NOL8: variants seen among roughly 807,000 people sequenced by gnomAD.
NOL8 encodes nucleolar protein 8.
Under a neutral mutation model 116.1 loss-of-function variants are expected in NOL8, and 93 were observed. The ratio of observed to expected loss-of-function variants is 0.80; its 90% CI spans 0.68 to 0.95. NOL8 has a LOEUF of 0.95. Ranked by LOEUF, NOL8 falls within the 40% of genes least tolerant of loss-of-function variation. The pLI is 0.00. For synonymous variants in NOL8, 419 were observed against 469.0 expected (o/e 0.89, Z 1.38); for missense variants, 1,291 against 1,382.8 (o/e 0.93, Z 1.05).
Position 92,315,750 on chromosome 9 carries a change from T to C in NOL8, c.875A>G (p.Lys292Arg). The change falls in exon 7 of 17, where the codon AAG becomes AGG. Residue 292 changes from lysine to arginine, a missense_variant. By Grantham distance (26) the Lys-to-Arg change is conservative (BLOSUM62 2). Transcript: ENST00000442668. The part of the protein sequence containing the change: ...PFKTSGLETA[K>R]KRNSISDDDT... ...ATCATCAGAAATGCTGTTTCTCTTC[T>C]TGGCAGTTTCCAAGCCAGAAGTCTT... 2 of 1,613,534 alleles carry C rather than the reference T, an allele frequency of 1.2e-6. No individual in the cohort carries two copies. The highest frequency in any genetic ancestry group is 1.7e-6 in the Non-Finnish European group (2 of 1,179,630).
At chr9:92,305,441 G>A (rs1198821491) in intron 12 of NOL8, among the ~76,000 whole-genome samples, 1 of 152,140 alleles carries the variant, frequency 6.6e-6, no homozygotes, top group Non-Finnish European at 1.5e-5. Context: ...TAATTTTTGT[G>A]ATTTTAAGTA....
intron 14 of NOL8, among the ~76,000 whole-genome samples, chr9:92,299,683 C>T (rs1423830520): frequency 2.6e-5 from 4 of 151,014 alleles, no homozygotes; most frequent in Non-Finnish European, 5.9e-5. Flanking sequence ...ATCTGGGAGG[C>T]GGAGGTTGCA....
chr9:92,316,181 G>C (rs1196850729), intron 6 of NOL8, 43 bp from the exon 7 acceptor site: 2 of 1,555,618 alleles, frequency 1.3e-6, no homozygotes, highest in African/African-American at 1.4e-5. Flanking sequence ...TTGGTTTTAG[G>C]AAAACTCATC....
chr9:92,323,950 G>T, intron 2 of NOL8, 73 bp downstream of exon 2: 1 of 1,496,498 alleles, frequency 6.7e-7, no homozygotes, highest in South Asian at 1.2e-5. Flanking sequence ...TTTATCTTGG[G>T]GTTGTTTTAT....
At chr9:92,302,567 G>GT (rs1362506789) in intron 12 of NOL8, among the ~76,000 whole-genome samples, 1 of 152,160 alleles carries the variant, frequency 6.6e-6, no homozygotes, top group African/African-American at 2.4e-5. Flanking sequence ...ACCTCGTTAG[G>GT]TTTTAAGACA....
intron 9 of NOL8, 66 bp from the exon 10 acceptor site, chr9:92,310,327 T>C (rs1838659321): frequency 7.1e-7 from 1 of 1,402,822 alleles, no homozygotes. Flanking sequence ...TGACGAAGAC[T>C]GTCAATGTAC....
At position 92,315,430 on chromosome 9, in the gene NOL8, C is replaced by G; in HGVS notation, c.1195G>C (p.Glu399Gln). The G allele has an allele frequency of 3.1e-6, 5 of 1,590,556 alleles. No individual in the cohort carries two copies. The highest frequency in any genetic ancestry group is 4.3e-6 in the Non-Finnish European group (5 of 1,166,994). ...KNVAKVKNSTEFSQMEKSTKK... is the reference protein window; with the variant it reads ...KNVAKVKNSTQFSQMEKSTKK... ...GTAGATTTTTCCATTTGTGAAAATT[C>G]TGTACTGTTTTTGACCTTAGCAACA... The change falls in exon 7 of 17, where the codon GAA (glutamate) becomes CAA (glutamine). Residue 399 changes from glutamate (E) to glutamine (Q), a missense_variant. Coordinates refer to ENST00000442668, the MANE Select transcript of NOL8 (RefSeq NM_017948.6).
At chr9:92,308,289 G>C (rs1340095211) in intron 10 of NOL8, among the ~76,000 whole-genome samples, 1 of 152,186 alleles carries the variant, frequency 6.6e-6, no homozygotes, top group Non-Finnish European at 1.5e-5. Flanking sequence ...TAGAGAGACT[G>C]AGTTTGAGGT....
intron 16 of NOL8, 134 bp from the exon 17 acceptor site, chr9:92,298,020 AG>A: frequency 1.3e-6 from 1 of 798,808 alleles, no homozygotes; most frequent in Non-Finnish European, 2.0e-6. Context: ...TGAAATGAAG[AG>A]GGGATATTGG....
intron 13 of NOL8, chr9:92,300,851 C>T: frequency 1.9e-6 from 2 of 1,062,316 alleles, no homozygotes; most frequent in Non-Finnish European, 2.3e-6. Context: ...CTACCAAACA[C>T]ATGTATGCTA....
intron 14 of NOL8, among the ~76,000 whole-genome samples, chr9:92,299,665 T>C (rs1304216983): frequency 1.3e-5 from 2 of 151,990 alleles, no homozygotes; most frequent in African/African-American, 4.8e-5. Flanking sequence ...GACAGGAGAA[T>C]TGCTTGAATC....
At chr9:92,298,979 G>A (rs1248213909) in intron 14 of NOL8, 25 bp from the exon 15 acceptor site, 2 of 1,333,202 alleles carry the variant, frequency 1.5e-6, no homozygotes, top group Admixed American at 2.5e-5. Flanking sequence ...ACAAAGGAGA[G>A]AGAAAAATAG....
chr9:92,298,030 G>C lies in NOL8; in HGVS notation c.3454-144C>G, dbSNP rs140841171. 2,194 of 734,674 alleles carry C rather than the reference G, an allele frequency of 3.0e-3. 5 individuals carry two copies. The highest frequency in any genetic ancestry group is 4.0e-3 in the Non-Finnish European group (1,828 of 454,018). The allele number at this position is 734,674 out of a possible 1,614,324, so 45.5% of individuals were successfully genotyped here. On this transcript the variant is annotated intron_variant, in intron 16 of 16. Transcript: ENST00000442668. ...TCTTTTGAAATGAAGAGGGGATATT[G>C]GCATTTTTGGCATTAACTGTTTATA...
rs1839331176 is a variant in NOL8, at chr9:92,315,694, T to C, written c.931A>G (p.Met311Val). The C allele has an allele frequency of 6.2e-7, 1 of 1,612,442 alleles. No homozygotes were observed. The highest frequency in any genetic ancestry group is 8.5e-7 in the Non-Finnish European group (1 of 1,179,108). ...DTDSEDELRM[M>V]IAKEENLQRT... ...TGTAAGTTTTCCTCTTTCGCAATCATCATTCTCAATTCATCTTCAGAATCA... is the reference window on the plus strand; with the variant it reads ...TGTAAGTTTTCCTCTTTCGCAATCACCATTCTCAATTCATCTTCAGAATCA... Residue 311 changes from methionine (M) to valine (V), a missense_variant, in exon 7 of 17, where the codon ATG (methionine) becomes GTG (valine). Transcript: ENST00000442668.
At chr9:92,308,028 T>C (rs1439196463) in intron 10 of NOL8, among the ~76,000 whole-genome samples, 1 of 152,216 alleles carries the variant, frequency 6.6e-6, no homozygotes, top group Non-Finnish European at 1.5e-5. Context: ...ATTATAATGC[T>C]GAAAAAGGCT....
intron 16 of NOL8, 57 bp from the exon 17 acceptor site, chr9:92,297,943 T>C: frequency 2.2e-6 from 3 of 1,392,910 alleles, no homozygotes; most frequent in Non-Finnish European, 2.9e-6. Context: ...AGATGTTCAG[T>C]AGATAGAAGT....
In NOL8 at chr9:92,307,080, C is replaced by T. The variant is rs1028867968; in HGVS notation, c.2687-56G>A. The T allele has an allele frequency of 2.6e-6, 4 of 1,536,166 alleles. No homozygotes were observed. In the African/African-American group the frequency reaches 4.2e-5, roughly 16 times the overall value. ...TTGGAAAACACAGCCTGAGAAGTCT[C>T]AATCATCAAATATTTACCAAGTACC... On this transcript the variant is annotated intron_variant, in intron 10 of 16. Transcript: ENST00000442668.
chr9:92,323,729 G>C (rs1262629017), intron 2 of NOL8, among the ~76,000 whole-genome samples: 1 of 151,664 alleles, frequency 6.6e-6, no homozygotes, highest in Non-Finnish European at 1.5e-5. Flanking sequence ...GAAACATTTT[G>C]ATTGTATGCT....
chr9:92,298,708 G>T (rs1369446118), intron 15 of NOL8, 176 bp downstream of exon 15: 2 of 483,534 alleles, frequency 4.1e-6, no homozygotes, highest in African/African-American at 4.0e-5. Context: ...GGCAAAGAAA[G>T]TGGTGAGTGG....
Sources: allele counts gnomAD v4.1 joint callset (sites outside exome capture counted in the v4.1 genomes callset), GRCh38; gene constraint gnomAD v4.1.1; transcripts MANE v1.5; gene names NCBI Gene and HGNC (gene_info 2026-07-23, HGNC 2026-07-21).